Variants in CDCP1 observed in about 807,000 individuals in gnomAD.
The protein encoded by CDCP1 is CUB domain-containing protein 1.
Under a neutral mutation model 60.2 loss-of-function variants are expected in CDCP1, and 29 were observed. The ratio of observed to expected loss-of-function variants is 0.48; its 90% CI spans 0.36 to 0.66. The LOEUF (loss-of-function observed/expected upper bound fraction) is 0.66. CDCP1 is among the 30% of genes least tolerant of loss of function. The pLI, the probability that CDCP1 is intolerant of heterozygous loss-of-function variation, is 0.00. For missense variants in CDCP1, 876 were observed against 1,074.3 expected (o/e 0.82, Z 2.58); for synonymous variants, 387 against 431.1 (o/e 0.90, Z 1.27).
intron 2 of CDCP1, among the ~76,000 whole-genome samples, chr3:45,117,068 G>C (rs948688084): frequency 6.6e-6 from 1 of 152,100 alleles, no homozygotes; most frequent in Non-Finnish European, 1.5e-5. Flanking sequence ...TAGTCATTAA[G>C]TGTAGTTTTT....
intron 1 of CDCP1, among the ~76,000 whole-genome samples, chr3:45,145,914 C>T (rs529377174): frequency 6.6e-6 from 1 of 151,976 alleles, no homozygotes; most frequent in Non-Finnish European, 1.5e-5. Context: ...CGGCCAGCAC[C>T]GGGCTCATCC....
intron 2 of CDCP1, among the ~76,000 whole-genome samples, chr3:45,113,857 A>G (rs1226165665): frequency 6.6e-6 from 1 of 152,234 alleles, no homozygotes; most frequent in African/African-American, 2.4e-5. Context: ...TTAGGAGCTC[A>G]TGGAAACTTC....
At position 45,094,019 on chromosome 3, in the gene CDCP1, G is replaced by C. The variant is rs80350910; in HGVS notation, c.1247-362C>G. ...CTCCACCCAGACGTGTTGCTCAGGA[G>C]GCAGTTCTGGGCAGTGGTTGGAGCT... is the stretch of plus-strand genomic sequence containing the variant. On this transcript the variant is annotated intron_variant, in intron 5 of 8. Coordinates refer to ENST00000296129, the MANE Select transcript of CDCP1 (RefSeq NM_022842.5). Among the ~76,000 whole-genome samples the C allele has an allele frequency of 6.5e-3, 983 of 152,258 alleles. 7 individuals carry two copies. The highest frequency in any genetic ancestry group is 0.023 in the African/African-American group (949 of 41,544).
chr3:45,139,311 G>C (rs1699243111), intron 1 of CDCP1: 1 of 152,284 alleles, frequency 6.6e-6, no homozygotes, highest in African/African-American at 2.4e-5. Context: ...CAGCCTCAGG[G>C]TGCTGCTGTC....
At chr3:45,110,189 G>T in intron 4 of CDCP1, 2 of 1,280,734 alleles carry the variant, frequency 1.6e-6, no homozygotes, top group Non-Finnish European at 9.9e-7. Flanking sequence ...CAAGACATAA[G>T]ATCTAGAAAA....
chr3:45,095,285 G>C, intron 5 of CDCP1, 62 bp downstream of exon 5: 1 of 1,478,262 alleles, frequency 6.8e-7, no homozygotes, highest in Non-Finnish European at 9.4e-7. Flanking sequence ...CCCCACTAAG[G>C]CAAGGCGGGG....
At chr3:45,115,475 A>G (rs949682548) in intron 2 of CDCP1, among the ~76,000 whole-genome samples, 5 of 152,330 alleles carry the variant, frequency 3.3e-5, no homozygotes, top group African/African-American at 4.8e-5. Flanking sequence ...TCCTACTATA[A>G]GCTGCATTGT....
At chr3:45,107,490 G>T (rs1310920286) in intron 4 of CDCP1, among the ~76,000 whole-genome samples, 2 of 152,074 alleles carry the variant, frequency 1.3e-5, no homozygotes, top group Non-Finnish European at 2.9e-5. Flanking sequence ...ACAGTCATGA[G>T]CCACCGCGCC....
Position 45,091,653 on chromosome 3 carries a change from C to T in CDCP1, c.1628-115G>A. 1 of 1,271,906 alleles carries T rather than the reference C, an allele frequency of 7.9e-7. No individual in the cohort carries two copies. The highest frequency in any genetic ancestry group is 1.6e-5 in the South Asian group (1 of 64,268). 78.8% of individuals were successfully genotyped at this position (1,271,906 alleles called of 1,614,324 possible). ...TCCAGACCAGCGCTGTCTAACCGAA[C>T]TTTCTGCGATGATGGAAATCTTCTA... On this transcript the variant is annotated intron_variant, in intron 6 of 8. Transcript: ENST00000296129. This position sits in a 1 kb window ranked among gnomAD's most constrained non-coding sequence, Gnocchi z 4.8.
chr3:45,126,283 T>C (rs1200183380), intron 1 of CDCP1, among the ~76,000 whole-genome samples: 2 of 151,434 alleles, frequency 1.3e-5, no homozygotes, highest in Non-Finnish European at 2.9e-5. Flanking sequence ...CTTTTTTTTG[T>C]CTACCCTGGA....
Position 45,085,839 on chromosome 3 carries a change from C to A in CDCP1, c.2310G>T (p.Gly770=). 6 of 1,614,078 alleles carry A rather than the reference C, an allele frequency of 3.7e-6. No individual in the cohort carries two copies. Among genetic ancestry groups the A allele is most frequent in the Non-Finnish European group, 5.1e-6 (6 of 1,180,012 alleles). Reference sequence around the variant, plus strand: ...TGGTGGGTGGGGAGGGAGGACAGACCCCCATGGTGCCCTGGAACGGCCGGT... The same window carrying A: ...TGGTGGGTGGGGAGGGAGGACAGACACCCATGGTGCCCTGGAACGGCCGGT... ...DTYRPFQGTM[G]VCPPSPPTIC... is the part of the protein sequence containing the mutation. Residue 770 remains glycine (G), a synonymous_variant, in exon 9 of 9, where the codon GGG becomes GGT. Transcript: ENST00000296129. The surrounding 1 kb of genome is among the most constrained non-coding windows in gnomAD (Gnocchi z 4.2).
intron 1 of CDCP1, among the ~76,000 whole-genome samples, chr3:45,125,704 G>T (rs577098264): frequency 7.9e-5 from 12 of 152,280 alleles, no homozygotes; most frequent in Admixed American, 7.8e-4. Context: ...TGGCTGGGTG[G>T]GGACTACGTA....
intron 1 of CDCP1, among the ~76,000 whole-genome samples, chr3:45,126,170 CT>C (rs1216437408): frequency 1.4e-5 from 2 of 142,602 alleles, no homozygotes; most frequent in South Asian, 4.6e-4. Flanking sequence ...TTCTTTCTTT[CT>C]TTCCTTCTTT....
intron 1 of CDCP1, among the ~76,000 whole-genome samples, chr3:45,141,074 G>A (rs1251406291): frequency 2.0e-5 from 3 of 152,150 alleles, no homozygotes; most frequent in East Asian, 1.9e-4. Flanking sequence ...GGTTGTGCAC[G>A]CCTGTAATTC....
intron 1 of CDCP1, among the ~76,000 whole-genome samples, chr3:45,133,052 T>C (rs1295820817): frequency 6.6e-6 from 1 of 152,164 alleles, no homozygotes; most frequent in Non-Finnish European, 1.5e-5. Context: ...AGTCGATGTG[T>C]GAAAGGAATT....
intron 4 of CDCP1, among the ~76,000 whole-genome samples, chr3:45,097,318 G>A (rs1359580782): frequency 1.4e-5 from 2 of 145,914 alleles, no homozygotes; most frequent in African/African-American, 2.5e-5. Context: ...AAAAAAAAAA[G>A]AAAGAAAGAA....
intron 1 of CDCP1, among the ~76,000 whole-genome samples, chr3:45,130,074 TTA>T: frequency 7.0e-6 from 1 of 142,884 alleles, no homozygotes; most frequent in Non-Finnish European, 1.5e-5. Flanking sequence ...CACCTAAAAA[TTA>T]TCCAGCTATA....
intron 4 of CDCP1, among the ~76,000 whole-genome samples, chr3:45,106,977 C>T (rs901412443): frequency 9.9e-5 from 15 of 152,090 alleles, no homozygotes; most frequent in East Asian, 9.7e-4. Context: ...TGATCATGAG[C>T]GGCACACACC....
chr3:45,089,491 G>A lies in CDCP1; in HGVS notation c.1994-350C>T, dbSNP rs75408036. ...AAGCTAGCCATGTAGAGATTCCACC[G>A]GGGAAAAAAATCAACCCAGTGAGAA... is the stretch of plus-strand genomic sequence containing the variant. On this transcript the variant is annotated intron_variant, in intron 7 of 8. Coordinates refer to ENST00000296129, the MANE Select transcript of CDCP1 (RefSeq NM_022842.5). Among the ~76,000 whole-genome samples, 1,898 of 152,204 alleles carry A rather than the reference G, an allele frequency of 0.012. 101 individuals are homozygous for A. In the East Asian group the frequency reaches 0.14, roughly 11 times the overall value.
Sources: allele counts gnomAD v4.1 joint callset (sites outside exome capture counted in the v4.1 genomes callset), GRCh38; gene constraint gnomAD v4.1.1; non-coding constraint Gnocchi (gnomAD v3.1); transcripts MANE v1.5; gene names NCBI Gene and HGNC (gene_info 2026-07-23, HGNC 2026-07-21).